KLF8: variants seen among roughly 807,000 people sequenced by gnomAD.
KLF8 encodes Krueppel-like factor 8.
KLF8 carries 10 observed loss-of-function variants against 18.2 expected under a neutral mutation model. The ratio of observed to expected loss-of-function variants is 0.55; its 90% CI spans 0.34 to 0.93. The LOEUF (loss-of-function observed/expected upper bound fraction) is 0.93, where lower values mean the gene tolerates loss of function less well. Ranked by LOEUF, KLF8 falls within the 40% of genes least tolerant of loss-of-function variation. KLF8 has a pLI of 0.02. For synonymous variants in KLF8, 109 were observed against 97.3 expected (o/e 1.12, Z -0.71); for missense variants, 264 against 277.9 (o/e 0.95, Z 0.36).
At chrX:56,060,342 A>C in the KLF8 span, among the ~76,000 whole-genome samples, 1 of 111,386 alleles carries the variant, frequency 9.0e-6, no homozygotes, top group Non-Finnish European at 1.9e-5. Context: ...AGTTCTTGTT[A>C]TTTTGAGATA....
chrX:55,968,872 T>C, the KLF8 span, among the ~76,000 whole-genome samples: 2 of 112,013 alleles, frequency 1.8e-5, no homozygotes, highest in Non-Finnish European at 3.8e-5. Flanking sequence ...GGTCATTATG[T>C]AATGATAAGG....
the KLF8 span, among the ~76,000 whole-genome samples, chrX:55,941,566 C>G: frequency 8.9e-6 from 1 of 111,792 alleles, no homozygotes; most frequent in African/African-American, 3.3e-5. Flanking sequence ...AAGAAACCAC[C>G]ATCAGAGTGA....
At chrX:56,052,915 C>A in the KLF8 span, among the ~76,000 whole-genome samples, 2 of 111,176 alleles carry the variant, frequency 1.8e-5, no homozygotes, top group East Asian at 2.8e-4. Flanking sequence ...TAGCAATCTG[C>A]GAGACTCCGT....
the KLF8 span, among the ~76,000 whole-genome samples, chrX:56,200,723 T>C: frequency 9.0e-6 from 1 of 111,072 alleles, no homozygotes; most frequent in Non-Finnish European, 1.9e-5. Context: ...CTGATAAATG[T>C]GTTAATAATC....
chrX:56,194,420 C>T, the KLF8 span, among the ~76,000 whole-genome samples: 6 of 112,259 alleles, frequency 5.3e-5, no homozygotes, highest in Admixed American at 9.4e-5. Context: ...CTGTGCCTGG[C>T]TTGGCGAGTC....
chrX:56,214,982 T>C, the KLF8 span, among the ~76,000 whole-genome samples: 1 of 112,324 alleles, frequency 8.9e-6, no homozygotes, highest in African/African-American at 3.2e-5. Flanking sequence ...ATCCTTCCAA[T>C]TTAGAAAACT....
At chrX:56,205,239 C>A in the KLF8 span, among the ~76,000 whole-genome samples, 2 of 111,333 alleles carry the variant, frequency 1.8e-5, no homozygotes, top group African/African-American at 6.5e-5. Context: ...AAGAAGCAAC[C>A]ATTTCTCAGC....
chrX:56,098,809 T>A, the KLF8 span, among the ~76,000 whole-genome samples: 16 of 111,580 alleles, frequency 1.4e-4, no homozygotes, highest in African/African-American at 5.2e-4. Flanking sequence ...CTCTTGCAGA[T>A]GACATGATTT....
chrX:56,265,639 G>A lies in KLF8; in HGVS notation c.541G>A (p.Val181Ile), dbSNP rs2066961966. Residue 181 changes from valine (V) to isoleucine (I), a missense_variant, in exon 3 of 6, where the codon GTA (valine) becomes ATA (isoleucine). This residue lies in a region of KLF8 where 221 missense variants were observed against 193.6 expected (regional missense o/e 1.14). Coordinates refer to ENST00000468660, the MANE Select transcript of KLF8 (RefSeq NM_007250.5). ...KMGGLKTIPV[V>I]VQSLPMVYTT... The stretch of plus-strand genomic sequence containing the variant: ...GGGTGGCCTGAAGACCATCCCAGTG[G>A]TAGTGCAGTCTCTGCCCATGGTGTA... 1 of 1,209,671 alleles carries A rather than the reference G, an allele frequency of 8.3e-7. No individual in the cohort carries two copies. The highest frequency in any genetic ancestry group is 1.7e-5 in the African/African-American group (1 of 57,241).
intron 5 of KLF8, among the ~76,000 whole-genome samples, chrX:56,272,335 C>G (rs1167160443): frequency 9.0e-6 from 1 of 110,823 alleles, no homozygotes; most frequent in African/African-American, 3.3e-5. Flanking sequence ...CTCAGCCACC[C>G]GAGTAGCTGG....
chrX:56,091,592 G>A, the KLF8 span, among the ~76,000 whole-genome samples: 1 of 110,947 alleles, frequency 9.0e-6, no homozygotes, highest in African/African-American at 3.3e-5. Flanking sequence ...CGCCTCTCAG[G>A]TTCAAGCAAA....
At chrX:55,942,675 G>A in the KLF8 span, among the ~76,000 whole-genome samples, 1 of 111,543 alleles carries the variant, frequency 9.0e-6, no homozygotes. Flanking sequence ...GGGTTGCATA[G>A]GGAAGTTTTT....
the KLF8 span, among the ~76,000 whole-genome samples, chrX:55,932,462 A>C: frequency 9.0e-6 from 1 of 111,379 alleles, no homozygotes; most frequent in Non-Finnish European, 1.9e-5. Flanking sequence ...TCTTCATAGT[A>C]TCGATGGTCT....
the KLF8 span, among the ~76,000 whole-genome samples, chrX:55,927,276 G>T: frequency 8.9e-6 from 1 of 111,861 alleles, no homozygotes; most frequent in East Asian, 2.8e-4. Context: ...TATGCCAGTA[G>T]CAACTCCTCC....
At chrX:56,185,474 C>T in the KLF8 span, among the ~76,000 whole-genome samples, 1 of 111,844 alleles carries the variant, frequency 8.9e-6, no homozygotes, top group South Asian at 3.7e-4. Context: ...AGGAGAACTT[C>T]CCCAATCTAG....
chrX:56,182,850 C>T, the KLF8 span, among the ~76,000 whole-genome samples: 46 of 112,144 alleles, frequency 4.1e-4, 2 homozygotes, highest in Admixed American at 3.1e-3. Context: ...CAGAGTGGCA[C>T]CTGGCTGTAT....
At chrX:55,948,297 A>G in the KLF8 span, among the ~76,000 whole-genome samples, 1 of 111,774 alleles carries the variant, frequency 8.9e-6, no homozygotes, top group Non-Finnish European at 1.9e-5. Flanking sequence ...ATGCAACTCT[A>G]CCCTTTTAAA....
chrX:56,055,169 G>A, the KLF8 span, among the ~76,000 whole-genome samples: 4 of 111,844 alleles, frequency 3.6e-5, no homozygotes, highest in East Asian at 1.1e-3. Flanking sequence ...GCTTTATATT[G>A]TTACTGGCCT....
the KLF8 span, among the ~76,000 whole-genome samples, chrX:56,178,346 GTA>G: frequency 8.9e-6 from 1 of 112,039 alleles, no homozygotes; most frequent in Non-Finnish European, 1.9e-5. Flanking sequence ...ATTTTTTCTT[GTA>G]AGTTTGTTTA....
Sources: gnomAD v4.1 joint callset for allele counts (sites outside exome capture counted in the v4.1 genomes callset) on GRCh38, gnomAD v4.1.1 for gene constraint, gnomAD v4.1.1 regional missense constraint, MANE v1.5 for transcripts, NCBI Gene and HGNC (gene_info 2026-07-23, HGNC 2026-07-21) for gene names.